PLP1: variants seen among roughly 807,000 people sequenced by gnomAD.
PLP1 encodes proteolipid protein 1, also known as myelin proteolipid protein.
PLP1 carries 2 observed loss-of-function variants against 18.5 expected under a neutral mutation model. The observed-to-expected ratio is 0.11, with a 90% CI of 0.04 to 0.34. The LOEUF (loss-of-function observed/expected upper bound fraction) is 0.34. PLP1 is among the 10% of genes least tolerant of loss of function. The pLI, the probability that PLP1 is intolerant of heterozygous loss-of-function variation, is 1.00. For synonymous variants in PLP1, 86 were observed against 83.2 expected, an observed-to-expected ratio of 1.03 and a Z score of -0.19; for missense variants, 105 against 207.3, an observed-to-expected ratio of 0.51 and a Z score of 3.03.
Position 103,777,013 on chromosome X carries a change from A to G in PLP1, c.4+14A>G. On this transcript the variant is annotated intron_variant, in intron 1 of 6. Transcript: ENST00000621218. ...CCAAAGACATGGGTAAGTTTCAAAA[A>G]CTTTAGCATTGAAGATTCAAGAGGA... 8.4e-7 allele frequency: 1 copy of G among 1,191,511 alleles called. No homozygotes were observed.
At position 103,778,919 on chromosome X, in the gene PLP1, C is replaced by A. The variant is rs188465650; in HGVS notation, c.4+1920C>A. On this transcript the variant is annotated intron_variant, in intron 1 of 6. Coordinates refer to ENST00000621218, the MANE Select transcript of PLP1 (RefSeq NM_000533.5). Reference sequence around the variant, plus strand: ...GAACTTTAGAAGTTGTCTGAGCCAACCTTCAATGCGGGATTCATTTTTACA... The same window carrying A: ...GAACTTTAGAAGTTGTCTGAGCCAAACTTCAATGCGGGATTCATTTTTACA... 2.1e-4 allele frequency among the ~76,000 whole-genome samples: 23 copies of A among 112,040 alleles called. No homozygotes were observed. In the East Asian group the frequency reaches 4.8e-3, roughly 23 times the overall value.
chrX:103,783,492 C>A (rs1320581819), intron 1 of PLP1, among the ~76,000 whole-genome samples: 1 of 112,203 alleles, frequency 8.9e-6, no homozygotes, highest in Non-Finnish European at 1.9e-5. Context: ...TCTTTGAAGG[C>A]CAAGAAAGGG....
chrX:103,790,980 G>C lies in PLP1; in HGVS notation c.*382G>C. The C allele has an allele frequency of 4.4e-6, 1 of 228,118 alleles. No homozygotes were observed. Among genetic ancestry groups the C allele is most frequent in the Non-Finnish European group, 7.9e-6 (1 of 126,202 alleles). The allele number at this position is 228,118 out of a possible 1,213,427, so 18.8% of individuals were successfully genotyped here. A position where few individuals can be genotyped will look rare whatever the true frequency, so the allele number is the denominator to read the frequency against. On this transcript the variant is annotated 3_prime_UTR_variant, in exon 7 of 7. Transcript: ENST00000621218. ...AACAAAGTGGAAGGAAAGATGCTCAGGTACAGAGAAGGAATGTCTTTGGTC... is the reference window on the plus strand; with the variant it reads ...AACAAAGTGGAAGGAAAGATGCTCACGTACAGAGAAGGAATGTCTTTGGTC...
chrX:103,787,565 C>A, intron 3 of PLP1: 1 of 440,878 alleles, frequency 2.3e-6, no homozygotes, highest in Non-Finnish European at 4.0e-6. Flanking sequence ...CAGGGATCCT[C>A]CTCACTCTTC....
chrX:103,781,021 T>C, intron 1 of PLP1: 2 of 164,906 alleles, frequency 1.2e-5, no homozygotes, highest in Middle Eastern at 2.8e-3. Context: ...TGTTTAGCTC[T>C]ATTGTATAGG....
At chrX:103,785,937 A>T in intron 2 of PLP1, 169 bp downstream of exon 2, 4 of 704,529 alleles carry the variant, frequency 5.7e-6, no homozygotes, top group Non-Finnish European at 8.4e-6. Context: ...TTCGAAGCCC[A>T]TTCAGAAAGG....
intron 1 of PLP1, among the ~76,000 whole-genome samples, chrX:103,784,434 C>T (rs1364244608): frequency 9.0e-6 from 1 of 111,604 alleles, no homozygotes; most frequent in East Asian, 2.8e-4. Context: ...ACAAAGTGTC[C>T]AAAATCATTA....
At chrX:103,787,715 C>A in intron 3 of PLP1, 83 bp from the exon 4 acceptor site, 1 of 837,299 alleles carries the variant, frequency 1.2e-6, no homozygotes, top group Non-Finnish European at 1.8e-6. Context: ...GTCTGGCACA[C>A]GCCACTCCAG....
intron 5 of PLP1, 117 bp downstream of exon 5, chrX:103,788,627 A>G: frequency 1.6e-6 from 1 of 634,497 alleles, no homozygotes; most frequent in Non-Finnish European, 2.7e-6. Context: ...GAATTAGCCG[A>G]TTGCCTTCTA....
intron 4 of PLP1, 141 bp downstream of exon 4, chrX:103,788,107 T>C (rs2074514021): frequency 1.8e-6 from 1 of 561,816 alleles, no homozygotes. Context: ...TTATTAATCC[T>C]TCCCTACTGA....
chrX:103,783,409 G>A (rs1216373624), intron 1 of PLP1, among the ~76,000 whole-genome samples: 1 of 112,470 alleles, frequency 8.9e-6, no homozygotes, highest in African/African-American at 3.2e-5. Flanking sequence ...CTTGGAAAAG[G>A]AAGTTCTGCT....
chrX:103,790,211 T>C (rs915317927), intron 6 of PLP1, among the ~76,000 whole-genome samples: 2 of 112,385 alleles, frequency 1.8e-5, no homozygotes, highest in African/African-American at 6.5e-5. Flanking sequence ...GACATATTGA[T>C]GTGGCAAAGC....
intron 5 of PLP1, chrX:103,789,099 G>T: frequency 2.3e-6 from 1 of 426,834 alleles, no homozygotes; most frequent in Non-Finnish European, 4.1e-6. Flanking sequence ...AATTATTTTG[G>T]AGTACTGTAC....
At chrX:103,785,210 C>T (rs1358767789) in intron 1 of PLP1, among the ~76,000 whole-genome samples, 2 of 110,919 alleles carry the variant, frequency 1.8e-5, no homozygotes, top group Non-Finnish European at 3.8e-5. Flanking sequence ...TCCTGAGTAG[C>T]TGGGATTACA....
rs746270709 is a variant in PLP1 at position 103,780,441 on chromosome X, G to C, written c.4+3442G>C. Among the ~76,000 whole-genome samples, 34 of 98,331 alleles carry C rather than the reference G, an allele frequency of 3.5e-4. 1 individual carries two copies. Among genetic ancestry groups the C allele is most frequent in the South Asian group, 1.2e-3 (3 of 2,403 alleles). 85.4% of individuals were successfully genotyped at this position (98,331 alleles called of 115,157 possible). On this transcript the variant is annotated intron_variant, in intron 1 of 6. Transcript: ENST00000621218. ...TACATCATTCATTCTGTCTCTCTCT[G>C]TGTGTGTGTGTGTGTGTGTGTGTGT...
chrX:103,787,174 A>T (rs2074504291), intron 3 of PLP1, among the ~76,000 whole-genome samples: 1 of 111,597 alleles, frequency 9.0e-6, no homozygotes, highest in East Asian at 2.8e-4. Flanking sequence ...ATGTTCTGGG[A>T]TCCTGCACAG....
intron 1 of PLP1, chrX:103,781,189 T>C: frequency 3.9e-6 from 1 of 257,619 alleles, no homozygotes; most frequent in Non-Finnish European, 7.7e-6. Context: ...ATCATGGAGC[T>C]GGTCCTTGAG....
Position 103,784,425 on chromosome X carries a change from CAA to C in PLP1, c.5-1155_5-1154del, listed in dbSNP as rs759188505. Reference sequence around the variant, plus strand: ...ATTATAGGAGGACAAAACTGCCATACAAAGTGTCCAAAATCATTAAGCCTGCA... The same window carrying C: ...ATTATAGGAGGACAAAACTGCCATACAGTGTCCAAAATCATTAAGCCTGCA... On this transcript the variant is annotated intron_variant, in intron 1 of 6. Coordinates refer to ENST00000621218, the MANE Select transcript of PLP1 (RefSeq NM_000533.5). Among the ~76,000 whole-genome samples the C allele has an allele frequency of 5.4e-5, 6 of 111,732 alleles. No homozygotes were observed. In the East Asian group the frequency reaches 1.1e-3, roughly 21 times the overall value.
chrX:103,781,034 T>TAG (rs2074449467), intron 1 of PLP1: 1 of 195,483 alleles, frequency 5.1e-6, no homozygotes, highest in African/African-American at 2.9e-5. Flanking sequence ...TGTATAGGGT[T>TAG]CTTCTATCTC....
Sources: allele counts gnomAD v4.1 joint callset (sites outside exome capture counted in the v4.1 genomes callset), GRCh38; gene constraint gnomAD v4.1.1; transcripts MANE v1.5; gene names NCBI Gene and HGNC (gene_info 2026-07-23, HGNC 2026-07-21).